STAG1: variants seen among roughly 807,000 people sequenced by gnomAD.
STAG1 encodes cohesin subunit SA-1.
STAG1 carries 26 observed loss-of-function variants against 170.9 expected under a neutral mutation model. The observed-to-expected ratio is 0.15, with a 90% CI of 0.11 to 0.21. STAG1 has a LOEUF of 0.21. Ranked by LOEUF, STAG1 falls within the 10% of genes least tolerant of loss-of-function variation. The pLI, the probability that STAG1 is intolerant of heterozygous loss-of-function variation, is 1.00. For missense variants in STAG1, 964 were observed against 1,509.5 expected (o/e 0.64, Z 5.99); for synonymous variants, 514 against 497.7 (o/e 1.03, Z -0.44).
chr3:136,696,982 T>C (rs951006663), intron 1 of STAG1, among the ~76,000 whole-genome samples: 3 of 152,272 alleles, frequency 2.0e-5, no homozygotes, highest in African/African-American at 7.2e-5. Context: ...AACTGAACAC[T>C]AAAAAAAGTT....
At chr3:136,559,441 T>C (rs1936753195) in intron 5 of STAG1, among the ~76,000 whole-genome samples, 1 of 152,100 alleles carries the variant, frequency 6.6e-6, no homozygotes, top group African/African-American at 2.4e-5. Context: ...ATTACAATTG[T>C]AGGTAACTGG....
chr3:136,683,335 T>G, intron 1 of STAG1, among the ~76,000 whole-genome samples: 1 of 152,020 alleles, frequency 6.6e-6, no homozygotes, highest in East Asian at 1.9e-4. Flanking sequence ...ATGATCTAGG[T>G]TCACTGCCAC....
chr3:136,583,121 A>C (rs184779977), intron 4 of STAG1, among the ~76,000 whole-genome samples: 1 of 152,190 alleles, frequency 6.6e-6, no homozygotes, highest in East Asian at 1.9e-4. Context: ...GCATCTTATT[A>C]AAAGCAGTAG....
At chr3:136,587,541 C>CAAAAAAAA (rs747339467) in intron 4 of STAG1, among the ~76,000 whole-genome samples, 1 of 60,782 alleles carries the variant, frequency 1.6e-5, no homozygotes, top group Non-Finnish European at 3.0e-5. Flanking sequence ...AACTCCATCT[C>CAAAAAAAA]AAAAAAAAAA....
At chr3:136,465,193 A>G (rs535085115) in intron 12 of STAG1, among the ~76,000 whole-genome samples, 1 of 151,824 alleles carries the variant, frequency 6.6e-6, no homozygotes, top group African/African-American at 2.4e-5. Flanking sequence ...CAACGAGAAG[A>G]AAATAAAATG....
chr3:136,378,062 C>T (rs1937705782), intron 22 of STAG1, among the ~76,000 whole-genome samples: 1 of 152,148 alleles, frequency 6.6e-6, no homozygotes, highest in Admixed American at 6.5e-5. Context: ...TCCTGTGACA[C>T]ACATTACTGC....
In STAG1 at chr3:136,338,241, T is replaced by TTTTC. The variant is rs1240446632; in HGVS notation, c.*9_*12dup. On this transcript the variant is annotated 3_prime_UTR_variant, in exon 34 of 34. Coordinates refer to ENST00000383202, the MANE Select transcript of STAG1 (RefSeq NM_005862.3). ...AATAATAGAGTTCCAGATTTGTAAA[T>TTTTC]TTTCTTCAGACTTCAGAACATAGGC... is the stretch of plus-strand genomic sequence containing the variant. The TTTTC allele has an allele frequency of 6.3e-7, 1 of 1,593,048 alleles. No individual in the cohort carries two copies. The highest frequency in any genetic ancestry group is 2.2e-5 in the East Asian group (1 of 44,766).
At chr3:136,736,400 T>A in intron 1 of STAG1, 1 of 865,382 alleles carries the variant, frequency 1.2e-6, no homozygotes, top group Non-Finnish European at 1.9e-6. Context: ...AATACTACTC[T>A]ATGTTGGGGT....
chr3:136,649,384 C>T (rs1478306697), intron 1 of STAG1, among the ~76,000 whole-genome samples: 1 of 151,292 alleles, frequency 6.6e-6, no homozygotes, highest in Non-Finnish European at 1.5e-5. Context: ...GAGGCTGAGG[C>T]ATGAGAATTG....
rs868465632 is a variant in STAG1, at chr3:136,676,884, C to T, written c.-83-45903G>A. 6.6e-5 allele frequency among the ~76,000 whole-genome samples: 10 copies of T among 151,814 alleles called. No individual in the cohort carries two copies. The Middle Eastern group carries it at 0.017, about 258-fold the overall frequency. On this transcript the variant is annotated intron_variant, in intron 1 of 33. Coordinates refer to ENST00000383202, the MANE Select transcript of STAG1 (RefSeq NM_005862.3). Reference sequence around the variant, plus strand: ...AAGTTTTTTCTTTTTTAAACTGTGCCTTAAAAACTAAGGCACAGGCATACA... The same window carrying T: ...AAGTTTTTTCTTTTTTAAACTGTGCTTTAAAAACTAAGGCACAGGCATACA...
chr3:136,390,295 G>A (rs2108326444), intron 22 of STAG1, among the ~76,000 whole-genome samples: 1 of 152,276 alleles, frequency 6.6e-6, no homozygotes, highest in Middle Eastern at 3.4e-3. Context: ...CTGGTTTTCA[G>A]AGAATTTTAA....
chr3:136,693,642 TCA>T (rs1685097162), intron 1 of STAG1, among the ~76,000 whole-genome samples: 1 of 152,174 alleles, frequency 6.6e-6, no homozygotes, highest in Non-Finnish European at 1.5e-5. Context: ...CGTTCACCAC[TCA>T]CTGAAGCCTT....
intron 1 of STAG1, among the ~76,000 whole-genome samples, chr3:136,738,910 C>G (rs368638202): frequency 2.0e-5 from 3 of 151,802 alleles, no homozygotes; most frequent in Middle Eastern, 3.4e-3. Context: ...ATAATTTGTC[C>G]ATTTAAAAAT....
intron 4 of STAG1, among the ~76,000 whole-genome samples, chr3:136,571,651 G>A (rs1284832886): frequency 1.3e-5 from 2 of 152,050 alleles, no homozygotes; most frequent in Non-Finnish European, 2.9e-5. Flanking sequence ...GCAGGAGGAT[G>A]ACTTGAGGCC....
intron 13 of STAG1, among the ~76,000 whole-genome samples, chr3:136,464,046 C>CA (rs977444540): frequency 4.6e-5 from 7 of 150,836 alleles, no homozygotes; most frequent in Non-Finnish European, 7.4e-5. Flanking sequence ...TTATGCTTTA[C>CA]AAAAAAATAA....
At chr3:136,732,237 TAAAAAAAAAAAA>T (rs71134406) in intron 1 of STAG1, among the ~76,000 whole-genome samples, 1 of 85,758 alleles carries the variant, frequency 1.2e-5, no homozygotes, top group Non-Finnish European at 2.4e-5. Flanking sequence ...TATCCACAAC[TAAAAAAAAAAAA>T]AAAAAAAAAA....
chr3:136,415,595 T>G (rs2087749243), intron 21 of STAG1, among the ~76,000 whole-genome samples: 1 of 152,198 alleles, frequency 6.6e-6, no homozygotes, highest in Non-Finnish European at 1.5e-5. Flanking sequence ...CCCAACACTT[T>G]GGGAAGCCAA....
intron 4 of STAG1, among the ~76,000 whole-genome samples, chr3:136,586,168 G>C (rs1427756803): frequency 6.6e-6 from 1 of 151,982 alleles, no homozygotes; most frequent in South Asian, 2.1e-4. Flanking sequence ...TATAAATGAA[G>C]TATGTAAATA....
chr3:136,520,851 A>G (rs2107904647), intron 7 of STAG1, among the ~76,000 whole-genome samples: 1 of 152,288 alleles, frequency 6.6e-6, no homozygotes, highest in South Asian at 2.1e-4. Flanking sequence ...GAGCAATAAA[A>G]CAATGTAATT....
Sources: gnomAD v4.1 joint callset for allele counts (sites outside exome capture counted in the v4.1 genomes callset) on GRCh38, gnomAD v4.1.1 for gene constraint, MANE v1.5 for transcripts, NCBI Gene and HGNC (gene_info 2026-07-23, HGNC 2026-07-21) for gene names.